The following PRKN variants were observed in gnomAD, a reference collection of about 807,000 sequenced individuals.
PRKN encodes parkin RBR E3 ubiquitin protein ligase.
In PRKN, 56 loss-of-function variants were observed where a neutral mutation model predicts 59.5. The observed-to-expected ratio is 0.94, with a 90% CI of 0.76 to 1.18. The LOEUF (loss-of-function observed/expected upper bound fraction) is 1.18, where lower values mean the gene tolerates loss of function less well. Ranked by LOEUF, PRKN falls within the 50% of genes most tolerant of loss-of-function variation. The pLI, the probability that PRKN is intolerant of heterozygous loss-of-function variation, is 0.00. For missense variants in PRKN, 657 were observed against 596.4 expected (o/e 1.10, Z -1.06); for synonymous variants, 250 against 222.1 (o/e 1.13, Z -1.12).
intron 8 of PRKN, among the ~76,000 whole-genome samples, chr6:161,556,328 C>G (rs1230597878): frequency 1.3e-5 from 2 of 152,062 alleles, no homozygotes; most frequent in African/African-American, 4.8e-5. Context: ...TGAAATATGC[C>G]TATTGAAAGT....
chr6:162,259,047 G>C (rs766011491), intron 3 of PRKN, among the ~76,000 whole-genome samples: 2 of 152,104 alleles, frequency 1.3e-5, no homozygotes, highest in African/African-American at 2.4e-5. Flanking sequence ...TATATTCTTC[G>C]AAGTTAAAAT....
At chr6:161,425,401 A>C (rs1788296572) in intron 9 of PRKN, among the ~76,000 whole-genome samples, 1 of 152,212 alleles carries the variant, frequency 6.6e-6, no homozygotes, top group Non-Finnish European at 1.5e-5. Context: ...GAAAGTTCAC[A>C]GTACTTGTTT....
At chr6:162,423,229 T>C (rs1789069879) in intron 2 of PRKN, among the ~76,000 whole-genome samples, 1 of 152,180 alleles carries the variant, frequency 6.6e-6, no homozygotes, top group Non-Finnish European at 1.5e-5. Context: ...TGGCTTTATA[T>C]ATGTACACAT....
chr6:162,556,525 G>A (rs186565601), intron 1 of PRKN, among the ~76,000 whole-genome samples: 1 of 151,640 alleles, frequency 6.6e-6, no homozygotes, highest in African/African-American at 2.4e-5. Flanking sequence ...GAGGCGGGGG[G>A]ATCACGAAAT....
rs9347644 is a variant in PRKN, at chr6:162,457,216, A to T, written c.8-13743T>A. ...AACCCGTGAAAAATGAAGATTAACT[A>T]TATTACATTGGGATAAAGTTATGCA... On this transcript the variant is annotated intron_variant, in intron 1 of 11. Transcript: ENST00000366898. Among the ~76,000 whole-genome samples the T allele has an allele frequency of 6.2e-4, 94 of 152,310 alleles. No homozygotes were observed. In the East Asian group the frequency reaches 0.017, roughly 27 times the overall value.
chr6:162,550,484 G>A (rs1357508857), intron 1 of PRKN, among the ~76,000 whole-genome samples: 1 of 152,056 alleles, frequency 6.6e-6, no homozygotes, highest in African/African-American at 2.4e-5. Flanking sequence ...GATGAGAGTT[G>A]GGAGAAGGAG....
chr6:162,713,234 C>G (rs1205640730), intron 1 of PRKN, among the ~76,000 whole-genome samples: 1 of 152,140 alleles, frequency 6.6e-6, no homozygotes, highest in Non-Finnish European at 1.5e-5. Context: ...CAGGCTCACG[C>G]CTGTAATCCC....
chr6:162,585,799 T>A (rs1027778429), intron 1 of PRKN, among the ~76,000 whole-genome samples: 3 of 151,906 alleles, frequency 2.0e-5, no homozygotes, highest in Non-Finnish European at 4.4e-5. Context: ...ACCTCCTGGG[T>A]CGAAGCCATC....
intron 6 of PRKN, among the ~76,000 whole-genome samples, chr6:161,911,545 C>A (rs1778361609): frequency 6.6e-6 from 1 of 152,148 alleles, no homozygotes; most frequent in Non-Finnish European, 1.5e-5. Flanking sequence ...TGTCCCCCAA[C>A]CCTGGATAAT....
chr6:162,376,560 C>T lies in PRKN; in HGVS notation c.171+66750G>A, dbSNP rs190376518. ...CATCCCCTGAGAGAGAGGCAGCCTA[C>T]AAATGAATACCTGGGGCCAGGGGCC... On this transcript the variant is annotated intron_variant, in intron 2 of 11. Transcript: ENST00000366898. Among the ~76,000 whole-genome samples, 405 of 151,390 alleles carry T rather than the reference C, an allele frequency of 2.7e-3. 1 individual carries two copies. The highest frequency in any genetic ancestry group is 8.8e-3 in the African/African-American group (363 of 41,224).
intron 7 of PRKN, among the ~76,000 whole-genome samples, chr6:161,733,770 G>GAAAAAAA (rs71544915): frequency 3.4e-4 from 35 of 102,398 alleles, no homozygotes; most frequent in Middle Eastern, 4.9e-3. Flanking sequence ...CCCAGGGGGT[G>GAAAAAAA]AAAAAAAAAA....
intron 2 of PRKN, among the ~76,000 whole-genome samples, chr6:162,327,934 A>T (rs1783371821): frequency 6.6e-6 from 1 of 152,120 alleles, no homozygotes; most frequent in East Asian, 1.9e-4. Flanking sequence ...ATGGTCTACA[A>T]ACAGGTCTGC....
At position 161,756,247 on chromosome 6, in the gene PRKN, C is replaced by A. The variant is rs1334283496; in HGVS notation, c.871+29525G>T. On this transcript the variant is annotated intron_variant, in intron 7 of 11. Transcript: ENST00000366898. ...ACTTGATGTCAGGAGTTCGAGATCA[C>A]CGTGGCCAAAACGGTGAAACCCTGT... Among the ~76,000 whole-genome samples, 8 of 151,880 alleles carry A rather than the reference C, an allele frequency of 5.3e-5. 1 individual carries two copies. Among genetic ancestry groups the A allele is most frequent in the Admixed American group, 5.2e-4 (8 of 15,250 alleles).
intron 9 of PRKN, among the ~76,000 whole-genome samples, chr6:161,493,329 C>T (rs1462168711): frequency 6.6e-6 from 1 of 152,186 alleles, no homozygotes; most frequent in African/African-American, 2.4e-5. Context: ...ATAATTTTGA[C>T]ACTATCATTA....
chr6:161,816,637 A>G (rs954225853), intron 6 of PRKN, among the ~76,000 whole-genome samples: 3 of 152,040 alleles, frequency 2.0e-5, no homozygotes, highest in Non-Finnish European at 4.4e-5. Context: ...CCACAAGAAG[A>G]ATGTGTTCAC....
At chr6:161,744,976 G>A (rs1270777969) in intron 7 of PRKN, among the ~76,000 whole-genome samples, 1 of 152,152 alleles carries the variant, frequency 6.6e-6, no homozygotes, top group Non-Finnish European at 1.5e-5. Flanking sequence ...TGTCCACTTG[G>A]TAGATGAGAA....
At chr6:161,921,825 G>A (rs112868132) in intron 6 of PRKN, among the ~76,000 whole-genome samples, 14 of 152,320 alleles carry the variant, frequency 9.2e-5, no homozygotes, top group African/African-American at 3.1e-4. Context: ...CATCCTCTGA[G>A]CCACTCCTAA....
At chr6:161,778,169 T>C (rs1231045631) in intron 7 of PRKN, among the ~76,000 whole-genome samples, 1 of 152,056 alleles carries the variant, frequency 6.6e-6, no homozygotes, top group East Asian at 1.9e-4. Flanking sequence ...CTTCCACAGG[T>C]TGAGTGGTGA....
At chr6:162,526,619 A>T (rs1778296374) in intron 1 of PRKN, among the ~76,000 whole-genome samples, 1 of 151,952 alleles carries the variant, frequency 6.6e-6, no homozygotes, top group African/African-American at 2.4e-5. Flanking sequence ...TTTAAAAAAA[A>T]AAAAAAGTAC....
Sources: gnomAD v4.1 joint callset for allele counts (sites outside exome capture counted in the v4.1 genomes callset) on GRCh38, gnomAD v4.1.1 for gene constraint, MANE v1.5 for transcripts, NCBI Gene and HGNC (gene_info 2026-07-23, HGNC 2026-07-21) for gene names.